TAFA1: variants seen among roughly 807,000 people sequenced by gnomAD.
TAFA1 encodes TAFA chemokine like family member 1.
In TAFA1, 4 loss-of-function variants were observed where a neutral mutation model predicts 18.5. That is an observed-to-expected ratio of 0.22 (90% CI 0.11 to 0.49). The LOEUF is 0.49. Among genes scored for constraint, TAFA1 ranks in the 20% least tolerant of loss-of-function variants. The probability of loss-of-function intolerance (pLI) is 0.98; values close to 1 mark genes in which losing one functional copy is unlikely to be tolerated. For synonymous variants in TAFA1, 56 were observed against 55.2 expected, an observed-to-expected ratio of 1.01 and a Z score of -0.06; for missense variants, 147 against 169.0, an observed-to-expected ratio of 0.87 and a Z score of 0.72.
chr3:68,236,223 C>CCATTTCATTATTCATTATT (rs2066925770), intron 2 of TAFA1, among the ~76,000 whole-genome samples: 3 of 152,282 alleles, frequency 2.0e-5, no homozygotes, highest in East Asian at 3.9e-4. Flanking sequence ...ACATTCTGAG[C>CCATTTCATTATTCATTATT]CATTTCATTA....
intron 2 of TAFA1, among the ~76,000 whole-genome samples, chr3:68,181,569 A>G (rs2066201215): frequency 6.6e-6 from 1 of 152,132 alleles, no homozygotes; most frequent in Non-Finnish European, 1.5e-5. Flanking sequence ...CTAATAGGGT[A>G]ATTATTATTT....
chr3:68,500,968 A>T (rs913882841), intron 3 of TAFA1, among the ~76,000 whole-genome samples: 2 of 151,966 alleles, frequency 1.3e-5, no homozygotes, highest in Non-Finnish European at 2.9e-5. Flanking sequence ...CCTGGCCAAC[A>T]TGTTGAAATC....
chr3:68,110,654 T>C (rs576592633), intron 2 of TAFA1, among the ~76,000 whole-genome samples: 8 of 152,194 alleles, frequency 5.3e-5, no homozygotes, highest in Admixed American at 1.3e-4. Context: ...ACAATGCAGA[T>C]TGAGAGCCAT....
At position 68,437,488 on chromosome 3, in the gene TAFA1, T is replaced by A. The variant is rs2071284885; in HGVS notation, c.259+20068T>A. Among the ~76,000 whole-genome samples the A allele has an allele frequency of 2.6e-5, 4 of 152,276 alleles. No homozygotes were observed. In the South Asian group the frequency reaches 8.3e-4, roughly 32 times the overall value. On this transcript the variant is annotated intron_variant, in intron 3 of 4. Coordinates refer to ENST00000478136, the MANE Select transcript of TAFA1 (RefSeq NM_213609.4). ...ACAAGCCTAAGGCCAAAGGGCTGCA[T>A]CTCGTAAGGGCCTTCTTCCTAGGAG...
chr3:68,109,428 AT>A (rs2065239975), intron 2 of TAFA1, among the ~76,000 whole-genome samples: 1 of 152,280 alleles, frequency 6.6e-6, no homozygotes, highest in African/African-American at 2.4e-5. Flanking sequence ...ACTTCTTTAA[AT>A]TGGAAAAAAA....
chr3:68,120,170 TCTC>T (rs2065373456), intron 2 of TAFA1, among the ~76,000 whole-genome samples: 7 of 144,036 alleles, frequency 4.9e-5, no homozygotes, highest in African/African-American at 1.7e-4. Context: ...TCTCTTTCTT[TCTC>T]TTTCTTTCTT....
intron 2 of TAFA1, among the ~76,000 whole-genome samples, chr3:68,324,628 A>AT (rs1424342003): frequency 6.6e-6 from 1 of 152,136 alleles, no homozygotes; most frequent in Non-Finnish European, 1.5e-5. Context: ...AAGTAATTGC[A>AT]TTTGTTGCCA....
At chr3:68,357,128 G>A (rs262246) in intron 2 of TAFA1, among the ~76,000 whole-genome samples, 90,447 of 151,692 alleles carry the variant, frequency 0.6, 27,840 homozygotes, top group East Asian at 1. Context: ...TGTATCTCCA[G>A]CATTTATTTC....
intron 2 of TAFA1, among the ~76,000 whole-genome samples, chr3:68,237,002 C>T (rs2066934925): frequency 1.3e-5 from 2 of 152,184 alleles, no homozygotes; most frequent in South Asian, 4.1e-4. Flanking sequence ...AACACTAAGA[C>T]ATTGAATAAT....
chr3:68,495,290 A>AT (rs1219394743), intron 3 of TAFA1, among the ~76,000 whole-genome samples: 2 of 152,234 alleles, frequency 1.3e-5, no homozygotes, highest in African/African-American at 4.8e-5. Flanking sequence ...AAGGAATGGA[A>AT]TACGAGTTGG....
chr3:68,439,663 G>T (rs1390740488), intron 3 of TAFA1, among the ~76,000 whole-genome samples: 4 of 151,752 alleles, frequency 2.6e-5, no homozygotes, highest in Admixed American at 1.3e-4. Flanking sequence ...TTCTGGCTGT[G>T]CTGGTAGCTG....
intron 2 of TAFA1, among the ~76,000 whole-genome samples, chr3:68,267,741 C>A (rs2067576447): frequency 6.6e-6 from 1 of 151,838 alleles, no homozygotes; most frequent in Non-Finnish European, 1.5e-5. Context: ...CATGTTTTAA[C>A]TTTTCAAGTC....
intron 3 of TAFA1, among the ~76,000 whole-genome samples, chr3:68,442,230 T>C (rs1180369239): frequency 6.6e-6 from 1 of 152,184 alleles, no homozygotes; most frequent in African/African-American, 2.4e-5. Flanking sequence ...CTTACAGTTG[T>C]GGACACCCAG....
chr3:68,186,240 T>C (rs1266887669), intron 2 of TAFA1, among the ~76,000 whole-genome samples: 1 of 152,106 alleles, frequency 6.6e-6, no homozygotes, highest in African/African-American at 2.4e-5. Flanking sequence ...ATGAGGATTT[T>C]GAGTTTTGTT....
intron 2 of TAFA1, among the ~76,000 whole-genome samples, chr3:68,311,310 A>ATGTT (rs59158231): frequency 6.6e-6 from 1 of 152,010 alleles, no homozygotes; most frequent in African/African-American, 2.4e-5. Context: ...CTCAAATTTC[A>ATGTT]TCAAAACCAA....
At chr3:68,234,754 A>T (rs562562526) in intron 2 of TAFA1, among the ~76,000 whole-genome samples, 4 of 152,320 alleles carry the variant, frequency 2.6e-5, no homozygotes, top group African/African-American at 9.6e-5. Flanking sequence ...AACCAACAAA[A>T]AAACCAATGT....
intron 2 of TAFA1, among the ~76,000 whole-genome samples, chr3:68,029,733 C>A (rs984309001): frequency 1.4e-4 from 22 of 152,116 alleles, no homozygotes; most frequent in African/African-American, 5.3e-4. Context: ...ACTTTAAGTA[C>A]CATTAAGTTT....
chr3:68,277,694 G>A (rs547925218), intron 2 of TAFA1, among the ~76,000 whole-genome samples: 4 of 152,258 alleles, frequency 2.6e-5, no homozygotes, highest in Non-Finnish European at 5.9e-5. Context: ...AAAAACAGAT[G>A]TAATCCTTGC....
chr3:68,242,253 G>C (rs1047071612), intron 2 of TAFA1, among the ~76,000 whole-genome samples: 1 of 152,148 alleles, frequency 6.6e-6, no homozygotes, highest in Non-Finnish European at 1.5e-5. Context: ...GTTTAGGTAA[G>C]AACGTTTCTA....
Sources: gnomAD v4.1 joint callset for allele counts (sites outside exome capture counted in the v4.1 genomes callset) on GRCh38, gnomAD v4.1.1 for gene constraint, MANE v1.5 for transcripts, NCBI Gene and HGNC (gene_info 2026-07-23, HGNC 2026-07-21) for gene names.